BRD10: variants seen among roughly 807,000 people sequenced by gnomAD.
BRD10 encodes the protein bromodomain containing 10.
At chr9:5,900,394 C>T in the BRD10 span, among the ~76,000 whole-genome samples, 1 of 152,036 alleles carries the variant, frequency 6.6e-6, no homozygotes, top group South Asian at 2.1e-4. Flanking sequence ...ATATTAAAAT[C>T]TTATTTTGAG....
the BRD10 span, among the ~76,000 whole-genome samples, chr9:5,949,919 A>C: frequency 6.6e-6 from 1 of 152,324 alleles, no homozygotes; most frequent in South Asian, 2.1e-4. Flanking sequence ...AAAACAGATA[A>C]AGGAAAAAGA....
the BRD10 span, chr9:5,897,519 T>C: frequency 6.4e-7 from 1 of 1,557,248 alleles, no homozygotes; most frequent in Non-Finnish European, 8.9e-7. Flanking sequence ...AGAACAATGT[T>C]TCAATGACAA....
At chr9:5,972,498 G>C in the BRD10 span, among the ~76,000 whole-genome samples, 2 of 152,344 alleles carry the variant, frequency 1.3e-5, no homozygotes, top group African/African-American at 4.8e-5. Flanking sequence ...AGGTGTTTGA[G>C]TTATGGGGGT....
the BRD10 span, chr9:5,954,111 G>T: frequency 7.0e-7 from 1 of 1,421,866 alleles, no homozygotes; most frequent in Non-Finnish European, 9.7e-7. Flanking sequence ...AAGATTAAAA[G>T]AGAAAACCTT....
chr9:6,006,148 T>C, the BRD10 span, among the ~76,000 whole-genome samples: 2 of 152,206 alleles, frequency 1.3e-5, no homozygotes, highest in Non-Finnish European at 2.9e-5. Context: ...CTGCTACTAC[T>C]TACATTAAAA....
the BRD10 span, among the ~76,000 whole-genome samples, chr9:5,935,535 G>T: frequency 6.6e-6 from 1 of 152,142 alleles, no homozygotes; most frequent in Non-Finnish European, 1.5e-5. Context: ...ATTAACCACT[G>T]GTTGAGTATC....
chr9:5,881,401 A>G, the BRD10 span, among the ~76,000 whole-genome samples: 1 of 152,234 alleles, frequency 6.6e-6, no homozygotes, highest in East Asian at 1.9e-4. Flanking sequence ...GCCTCCAGAG[A>G]CACGGGGTGG....
the BRD10 span, among the ~76,000 whole-genome samples, chr9:5,932,577 G>C: frequency 1.3e-5 from 2 of 152,110 alleles, no homozygotes; most frequent in African/African-American, 4.8e-5. Context: ...GTCTACAGGA[G>C]GATGTGTGTA....
the BRD10 span, among the ~76,000 whole-genome samples, chr9:5,915,173 C>T: frequency 1.8e-4 from 27 of 152,086 alleles, no homozygotes; most frequent in Non-Finnish European, 3.8e-4. Flanking sequence ...CTTTCTTTAT[C>T]CTTCTCAATC....
the BRD10 span, among the ~76,000 whole-genome samples, chr9:5,929,722 C>T: frequency 6.6e-6 from 1 of 152,122 alleles, no homozygotes; most frequent in Admixed American, 6.6e-5. Flanking sequence ...CTGATGTCCT[C>T]TCAATTTGCT....
the BRD10 span, among the ~76,000 whole-genome samples, chr9:5,904,365 T>G: frequency 6.6e-6 from 1 of 152,176 alleles, no homozygotes; most frequent in Non-Finnish European, 1.5e-5. Context: ...ACCTGTTGCC[T>G]CTGTTCTTTG....
the BRD10 span, among the ~76,000 whole-genome samples, chr9:5,904,264 C>T: frequency 6.6e-6 from 1 of 152,204 alleles, no homozygotes; most frequent in African/African-American, 2.4e-5. Context: ...CTCTGACAAT[C>T]TGTCTTTTAA....
chr9:5,994,901 C>CTTTTTTTTTTTT, the BRD10 span, among the ~76,000 whole-genome samples: 11 of 141,680 alleles, frequency 7.8e-5, no homozygotes, highest in African/African-American at 2.8e-4. Flanking sequence ...TATCATTTTT[C>CTTTTTTTTTTTT]TTTTTTTTTT....
chr9:5,919,583 C>CACACACACACACACA, the BRD10 span: 3 of 1,025,392 alleles, frequency 2.9e-6, no homozygotes, highest in Admixed American at 2.8e-5. Flanking sequence ...CACACACACA[C>CACACACACACACACA]AATGTATAGT....
the BRD10 span, among the ~76,000 whole-genome samples, chr9:5,974,850 A>C: frequency 6.6e-6 from 1 of 152,352 alleles, no homozygotes; most frequent in East Asian, 1.9e-4. Flanking sequence ...TAGAATACTC[A>C]GGAAGGTCTT....
chr9:5,958,345 T>C, the BRD10 span, among the ~76,000 whole-genome samples: 1 of 152,274 alleles, frequency 6.6e-6, no homozygotes, highest in South Asian at 2.1e-4. Context: ...CATATTTCTT[T>C]ACATAAGAAG....
chr9:5,899,674 C>G, the BRD10 span, among the ~76,000 whole-genome samples: 8 of 152,216 alleles, frequency 5.3e-5, no homozygotes, highest in African/African-American at 1.9e-4. Flanking sequence ...ATTTGTAACT[C>G]TAGCATGGGG....
the BRD10 span, among the ~76,000 whole-genome samples, chr9:5,894,011 C>T: frequency 3.4e-4 from 52 of 151,256 alleles, no homozygotes; most frequent in Non-Finnish European, 6.5e-4. This position sits in a 1 kb window ranked among gnomAD's most constrained non-coding sequence, Gnocchi z 4.0. Context: ...GACATGGTGG[C>T]GCTGGGATTT....
chr9:5,906,959 C>A, the BRD10 span: 1 of 1,599,712 alleles, frequency 6.3e-7, no homozygotes, highest in Non-Finnish European at 8.5e-7. Context: ...ATCATCGGGA[C>A]AGCAAAGTGT....
Sources: allele counts gnomAD v4.1 joint callset (sites outside exome capture counted in the v4.1 genomes callset), GRCh38; gene constraint gnomAD v4.1.1; non-coding constraint Gnocchi (gnomAD v3.1); transcripts MANE v1.5; gene names NCBI Gene and HGNC (gene_info 2026-07-23, HGNC 2026-07-21).